Variants in NRCAM observed in about 807,000 individuals in gnomAD.
The protein encoded by NRCAM is NgCAM-related cell adhesion molecule.
Under a neutral mutation model 156.5 loss-of-function variants are expected in NRCAM, and 83 were observed. The ratio of observed to expected loss-of-function variants is 0.53; its 90% CI spans 0.44 to 0.64. The LOEUF (loss-of-function observed/expected upper bound fraction) is 0.64, where lower values mean the gene tolerates loss of function less well. Among genes scored for constraint, NRCAM ranks in the 30% least tolerant of loss-of-function variants. The pLI, the probability that NRCAM is intolerant of heterozygous loss-of-function variation, is 0.00. For missense variants in NRCAM, 1,417 were observed against 1,597.3 expected, an observed-to-expected ratio of 0.89 and a Z score of 1.92; for synonymous variants, 538 against 563.9, an observed-to-expected ratio of 0.95 and a Z score of 0.65.
rs1319651439 is a variant in NRCAM at position 108,234,677 on chromosome 7, G to A, written c.136C>T (p.Pro46Ser). 2 of 1,602,908 alleles carry A rather than the reference G, an allele frequency of 1.2e-6. No individual in the cohort carries two copies. Among genetic ancestry groups the A allele is most frequent in the Non-Finnish European group, 1.7e-6 (2 of 1,170,898 alleles). ...PKLLEDLVQP[P>S]TITQQSPKDY... ...TTTGGAGACTGTTGGGTGATGGTTG[G>A]AGGCTGTACCACTTAATTGTAGAAA... is the stretch of plus-strand genomic sequence containing the variant. Residue 46 changes from proline to serine, a missense_variant, in exon 6 of 33, where the codon CCA becomes TCA. Coordinates refer to ENST00000379028, the MANE Select transcript of NRCAM (RefSeq NM_001037132.4).
rs532739380 is a variant in NRCAM, at chr7:108,335,096, T to A, written c.-173-22365A>T. ...ATTTTACAGAAGAGGACACTGAAGGTCAGAGAAGTAACTTGCCTCAAGCCA... is the reference window on the plus strand; with the variant it reads ...ATTTTACAGAAGAGGACACTGAAGGACAGAGAAGTAACTTGCCTCAAGCCA... On this transcript the variant is annotated intron_variant, in intron 2 of 32. Transcript: ENST00000379028. 2.0e-5 allele frequency among the ~76,000 whole-genome samples: 3 copies of A among 152,282 alleles called. No homozygotes were observed. The South Asian group carries it at 6.2e-4, about 32-fold the overall frequency.
At position 108,449,579 on chromosome 7, in the gene NRCAM, A is replaced by C. The variant is rs188118134; in HGVS notation, c.-332+6664T>G. Among the ~76,000 whole-genome samples, 5 of 152,206 alleles carry C rather than the reference A, an allele frequency of 3.3e-5. No homozygotes were observed. The East Asian group carries it at 9.7e-4, about 29-fold the overall frequency. On this transcript the variant is annotated intron_variant, in intron 1 of 32. Coordinates refer to ENST00000379028, the MANE Select transcript of NRCAM (RefSeq NM_001037132.4). ...CAGGACAAAACTCTTTGGACAGGCC[A>C]CTCTTACCTTAAGGCATAATTAATG... is the stretch of plus-strand genomic sequence containing the variant.
At chr7:108,232,816 G>A (rs931700564) in intron 6 of NRCAM, among the ~76,000 whole-genome samples, 1 of 152,054 alleles carries the variant, frequency 6.6e-6, no homozygotes, top group Admixed American at 6.6e-5. Context: ...GAGGGAGCAG[G>A]TCTCCCAGGT....
At chr7:108,353,753 G>T (rs116881444) in intron 2 of NRCAM, among the ~76,000 whole-genome samples, 1,696 of 152,346 alleles carry the variant, frequency 0.011, 16 homozygotes, top group Middle Eastern at 0.027. Flanking sequence ...ACAATTATTT[G>T]TTGAAAGAAT....
intron 2 of NRCAM, among the ~76,000 whole-genome samples, chr7:108,387,205 A>G (rs554166969): frequency 1.1e-4 from 16 of 152,048 alleles, no homozygotes; most frequent in Non-Finnish European, 2.2e-4. Flanking sequence ...TCATTTCTTT[A>G]ATCACTATAG....
In NRCAM at chr7:108,385,749, G is replaced by C. The variant is rs193117618; in HGVS notation, c.-174+13687C>G. The stretch of plus-strand genomic sequence containing the variant: ...CATTTGAAGAATTTTTAGCTTGGCA[G>C]AAACAGGAATGAAATTGCGTATTTG... On this transcript the variant is annotated intron_variant, in intron 2 of 32. Coordinates refer to ENST00000379028, the MANE Select transcript of NRCAM (RefSeq NM_001037132.4). Among the ~76,000 whole-genome samples the C allele has an allele frequency of 1.5e-3, 231 of 152,244 alleles. 4 individuals carry two copies. Among genetic ancestry groups the C allele is most frequent in the Admixed American group, 0.013 (191 of 15,266 alleles).
intron 2 of NRCAM, among the ~76,000 whole-genome samples, chr7:108,356,703 C>T (rs1436039328): frequency 6.6e-6 from 1 of 152,172 alleles, no homozygotes; most frequent in Non-Finnish European, 1.5e-5. Context: ...AAAAAGCATA[C>T]ACAATGAATT....
chr7:108,416,316 T>G (rs1801526547), intron 1 of NRCAM, among the ~76,000 whole-genome samples: 1 of 152,248 alleles, frequency 6.6e-6, no homozygotes, highest in Admixed American at 6.5e-5. Context: ...ATCAGCATAT[T>G]ACAGATGTTT....
chr7:108,261,629 C>G lies in NRCAM; in HGVS notation c.-106-21459G>C, dbSNP rs77838293. Among the ~76,000 whole-genome samples, 137 of 152,294 alleles carry G rather than the reference C, an allele frequency of 9.0e-4. 1 individual carries two copies. The highest frequency in any genetic ancestry group is 4.0e-3 in the Admixed American group (61 of 15,306). On this transcript the variant is annotated intron_variant, in intron 3 of 32. Transcript: ENST00000379028. ...ATTAGAGTTGTTGTATTGGACCCCT[C>G]GTGTGCACCACTTCAAAGTCCTCTT...
At position 108,207,598 on chromosome 7, in the gene NRCAM, G is replaced by C; in HGVS notation, c.1137C>G (p.Thr379=). The C allele has an allele frequency of 6.2e-7, 1 of 1,613,978 alleles. No homozygotes were observed. Among genetic ancestry groups the C allele is most frequent in the Non-Finnish European group, 8.5e-7 (1 of 1,179,896 alleles). The change falls in exon 13 of 33, where the codon ACC becomes ACG. Residue 379 remains threonine (T), a synonymous_variant. Coordinates refer to ENST00000379028, the MANE Select transcript of NRCAM (RefSeq NM_001037132.4). ...NLVLSPGEDG[T]LICRANGNPK... is the part of the protein sequence containing the mutation. ...GGTTGCCATTAGCTCTGCAGATCAA[G>C]GTCCCATCCTCTCCTGGGGACAGCA...
intron 5 of NRCAM, among the ~76,000 whole-genome samples, chr7:108,235,202 T>C (rs540757356): frequency 6.6e-6 from 1 of 152,310 alleles, no homozygotes; most frequent in African/African-American, 2.4e-5. Context: ...ACATCTCTTA[T>C]CAGAGCCAGG....
intron 32 of NRCAM, among the ~76,000 whole-genome samples, chr7:108,155,916 G>C (rs1468704644): frequency 6.6e-6 from 1 of 151,956 alleles, no homozygotes; most frequent in African/African-American, 2.4e-5. Context: ...AGTTCAAATT[G>C]TTTTTCAATA....
intron 2 of NRCAM, among the ~76,000 whole-genome samples, chr7:108,318,334 C>G (rs1010925237): frequency 6.6e-6 from 1 of 151,904 alleles, no homozygotes; most frequent in Non-Finnish European, 1.5e-5. Context: ...TGTGAGCCCC[C>G]GCACCTGGCC....
At chr7:108,452,365 A>G (rs1851383345) in intron 1 of NRCAM, among the ~76,000 whole-genome samples, 1 of 152,144 alleles carries the variant, frequency 6.6e-6, no homozygotes, top group Non-Finnish European at 1.5e-5. Context: ...TACATATTAA[A>G]TGTATACAAC....
At chr7:108,164,315 T>C (rs1029235939) in intron 30 of NRCAM, among the ~76,000 whole-genome samples, 1 of 152,030 alleles carries the variant, frequency 6.6e-6, no homozygotes, top group African/African-American at 2.4e-5. Context: ...TTTTTCAGTT[T>C]GTGCCATAGG....
intron 2 of NRCAM, among the ~76,000 whole-genome samples, chr7:108,389,053 G>T (rs549939835): frequency 6.6e-6 from 1 of 152,160 alleles, no homozygotes; most frequent in Non-Finnish European, 1.5e-5. Flanking sequence ...CTCTTTTTTG[G>T]TTCCATATGA....
intron 2 of NRCAM, among the ~76,000 whole-genome samples, chr7:108,391,571 T>A (rs2099760017): frequency 1.3e-5 from 2 of 152,278 alleles, no homozygotes; most frequent in South Asian, 2.1e-4. Flanking sequence ...TTAGCCCATT[T>A]ACATTTAAGG....
chr7:108,238,637 A>T (rs2095306277), intron 4 of NRCAM, among the ~76,000 whole-genome samples: 1 of 152,096 alleles, frequency 6.6e-6, no homozygotes, highest in Non-Finnish European at 1.5e-5. Flanking sequence ...GGGGGAATAT[A>T]TTTAATATAA....
intron 1 of NRCAM, among the ~76,000 whole-genome samples, chr7:108,412,611 A>G (rs1016990545): frequency 6.6e-6 from 1 of 152,166 alleles, no homozygotes; most frequent in Non-Finnish European, 1.5e-5. Flanking sequence ...GTTAATAACT[A>G]TAGTCATCAT....
Sources: gnomAD v4.1 joint callset for allele counts (sites outside exome capture counted in the v4.1 genomes callset) on GRCh38, gnomAD v4.1.1 for gene constraint, MANE v1.5 for transcripts, NCBI Gene and HGNC (gene_info 2026-07-23, HGNC 2026-07-21) for gene names.